Variants in KHDRBS2 observed in about 807,000 individuals in gnomAD.
KHDRBS2 encodes the protein KH RNA binding domain containing, signal transduction associated 2, also known as KH domain-containing, RNA-binding, signal transduction-associated protein 2.
Under a neutral mutation model 44.3 loss-of-function variants are expected in KHDRBS2, and 26 were observed. That is an observed-to-expected ratio of 0.59 (90% CI 0.43 to 0.81). KHDRBS2 has a LOEUF of 0.81. Among genes scored for constraint, KHDRBS2 ranks in the 40% least tolerant of loss-of-function variants. The pLI is 0.00. For synonymous variants in KHDRBS2, 194 were observed against 151.1 expected (o/e 1.28, Z -2.08); for missense variants, 476 against 433.1 (o/e 1.10, Z -0.88).
At chr6:61,804,104 G>C (rs1786738186) in intron 6 of KHDRBS2, among the ~76,000 whole-genome samples, 1 of 151,996 alleles carries the variant, frequency 6.6e-6, no homozygotes, top group Non-Finnish European at 1.5e-5. Flanking sequence ...TCTCATTTCA[G>C]ACAAGGCAAG....
intron 6 of KHDRBS2, among the ~76,000 whole-genome samples, chr6:61,833,695 C>T (rs1022836142): frequency 1.3e-5 from 2 of 152,126 alleles, no homozygotes; most frequent in African/African-American, 2.4e-5. Flanking sequence ...AGGGCAAATG[C>T]ATTTCCAGAT....
Position 61,734,513 on chromosome 6 carries a change from T to A in KHDRBS2, c.811-1749A>T, listed in dbSNP as rs1222680282. On this transcript the variant is annotated intron_variant, in intron 6 of 8. Transcript: ENST00000281156. ...ATTGTTGTTGGATTTATAAATTTTGTCATTTTCTATTGGCTGTCCATTCAG... is the reference window on the plus strand; with the variant it reads ...ATTGTTGTTGGATTTATAAATTTTGACATTTTCTATTGGCTGTCCATTCAG... Among the ~76,000 whole-genome samples, 9 of 152,072 alleles carry A rather than the reference T, an allele frequency of 5.9e-5. 1 individual carries two copies. The highest frequency in any genetic ancestry group is 1.7e-4 in the African/African-American group (7 of 41,434).
At chr6:61,643,010 T>C in the KHDRBS2 span, among the ~76,000 whole-genome samples, 1 of 152,156 alleles carries the variant, frequency 6.6e-6, no homozygotes, top group Non-Finnish European at 1.5e-5. Flanking sequence ...GATGCATGGC[T>C]CACAAAGGTG....
At chr6:61,674,812 T>C in the KHDRBS2 span, among the ~76,000 whole-genome samples, 1 of 151,708 alleles carries the variant, frequency 6.6e-6, no homozygotes, top group Non-Finnish European at 1.5e-5. Flanking sequence ...CTCTCTTCCC[T>C]TTAGAAACAA....
intron 2 of KHDRBS2, among the ~76,000 whole-genome samples, chr6:62,169,523 T>C (rs1457994291): frequency 3.3e-5 from 5 of 151,880 alleles, no homozygotes; most frequent in African/African-American, 9.7e-5. Context: ...AGAAATCGCT[T>C]TGGGATCCAT....
At chr6:61,870,684 C>T (rs1437951355) in intron 6 of KHDRBS2, among the ~76,000 whole-genome samples, 6 of 152,188 alleles carry the variant, frequency 3.9e-5, no homozygotes, top group Admixed American at 3.9e-4. Flanking sequence ...AAAGAACAGG[C>T]AGCAATTTTT....
intron 4 of KHDRBS2, among the ~76,000 whole-genome samples, chr6:61,955,668 A>G (rs548940593): frequency 1.3e-4 from 20 of 148,956 alleles, no homozygotes; most frequent in South Asian, 6.4e-4. Context: ...ATATGTGTAT[A>G]TGTACACATA....
chr6:62,134,757 A>G (rs1811124545), intron 2 of KHDRBS2, among the ~76,000 whole-genome samples: 1 of 152,228 alleles, frequency 6.6e-6, no homozygotes, highest in Admixed American at 6.5e-5. Context: ...ATGTAGTCAA[A>G]GGAGATAATT....
intron 2 of KHDRBS2, among the ~76,000 whole-genome samples, chr6:62,171,428 G>A (rs188672806): frequency 1.2e-4 from 18 of 152,086 alleles, no homozygotes; most frequent in African/African-American, 4.3e-4. Context: ...CTTATAATAT[G>A]GGATTATGTA....
chr6:61,843,468 C>T (rs1209111915), intron 6 of KHDRBS2, among the ~76,000 whole-genome samples: 1 of 151,530 alleles, frequency 6.6e-6, no homozygotes. Context: ...AGCCATTCTC[C>T]TTGAACTACT....
intron 6 of KHDRBS2, among the ~76,000 whole-genome samples, chr6:61,739,541 G>T (rs1260651446): frequency 6.6e-6 from 1 of 151,726 alleles, no homozygotes; most frequent in African/African-American, 2.4e-5. Flanking sequence ...GTTTTGATAT[G>T]CTGGAAGAAT....
chr6:61,695,635 G>A (rs2127543336), intron 8 of KHDRBS2, among the ~76,000 whole-genome samples: 1 of 152,084 alleles, frequency 6.6e-6, no homozygotes, highest in Middle Eastern at 3.4e-3. Flanking sequence ...CTTCACCTTT[G>A]TTGTTCAGTT....
At chr6:62,197,902 G>A (rs563208720) in intron 1 of KHDRBS2, among the ~76,000 whole-genome samples, 42 of 152,130 alleles carry the variant, frequency 2.8e-4, no homozygotes, top group Non-Finnish European at 5.9e-5. Flanking sequence ...AGACCACAGT[G>A]CAATCAAACT....
intron 6 of KHDRBS2, among the ~76,000 whole-genome samples, chr6:61,770,076 G>T (rs1426151608): frequency 6.6e-6 from 1 of 152,138 alleles, no homozygotes. Flanking sequence ...AGGCAAACAG[G>T]GTCTGGAGTG....
At chr6:62,095,950 G>GT (rs1385635260) in intron 2 of KHDRBS2, among the ~76,000 whole-genome samples, 1 of 151,676 alleles carries the variant, frequency 6.6e-6, no homozygotes, top group East Asian at 1.9e-4. Context: ...TTTATCAAAT[G>GT]TTTTTTTATT....
chr6:61,769,710 A>C (rs142154373), intron 6 of KHDRBS2, among the ~76,000 whole-genome samples: 9,909 of 152,316 alleles, frequency 0.065, 409 homozygotes, highest in Middle Eastern at 0.13. Flanking sequence ...GGTGGAGCCC[A>C]CCACAGTTCA....
the KHDRBS2 span, among the ~76,000 whole-genome samples, chr6:61,609,935 A>G: frequency 6.6e-6 from 1 of 152,198 alleles, no homozygotes; most frequent in Non-Finnish European, 1.5e-5. Context: ...GCATTTTGGG[A>G]GGCCAAGGCG....
Position 61,707,334 on chromosome 6 carries a change from C to T in KHDRBS2, c.894-10081G>A, listed in dbSNP as rs142432960. 3.0e-4 allele frequency among the ~76,000 whole-genome samples: 45 copies of T among 151,834 alleles called. No homozygotes were observed. The East Asian group carries it at 8.6e-3, about 29-fold the overall frequency. ...AAAGTTGTATCATGAACTCACTTGG[C>T]TGTCTATCTTCTTCATCTTTGCCAT... On this transcript the variant is annotated intron_variant, in intron 7 of 8. Transcript: ENST00000281156.
chr6:61,628,538 C>CA, the KHDRBS2 span, among the ~76,000 whole-genome samples: 10 of 152,058 alleles, frequency 6.6e-5, no homozygotes, highest in Non-Finnish European at 1.5e-4. Flanking sequence ...TGTTCCAAAC[C>CA]AATTACTTTA....
Sources: gnomAD v4.1 joint callset for allele counts (sites outside exome capture counted in the v4.1 genomes callset) on GRCh38, gnomAD v4.1.1 for gene constraint, MANE v1.5 for transcripts, NCBI Gene and HGNC (gene_info 2026-07-23, HGNC 2026-07-21) for gene names.